The following ARHGAP26 variants were observed in gnomAD, a reference collection of about 807,000 sequenced individuals.
The protein encoded by ARHGAP26 is rho GTPase-activating protein 26.
Under a neutral mutation model 104.8 loss-of-function variants are expected in ARHGAP26, and 38 were observed. The ratio of observed to expected loss-of-function variants is 0.36; its 90% confidence interval spans 0.28 to 0.48. ARHGAP26 has a LOEUF of 0.48. Among genes scored for constraint, ARHGAP26 ranks in the 20% least tolerant of loss-of-function variants. The pLI, the probability that ARHGAP26 is intolerant of heterozygous loss-of-function variation, is 0.99. For missense variants in ARHGAP26, 704 were observed against 947.9 expected (o/e 0.74, Z 3.38); for synonymous variants, 341 against 340.0 (o/e 1.00, Z -0.03).
intron 17 of ARHGAP26, among the ~76,000 whole-genome samples, chr5:143,084,621 G>T (rs956042762): frequency 1.3e-5 from 2 of 152,196 alleles, no homozygotes; most frequent in Non-Finnish European, 2.9e-5. Context: ...TTGTGATCTG[G>T]ACACTGCTTC....
chr5:143,085,847 G>A (rs1790518953), intron 17 of ARHGAP26, among the ~76,000 whole-genome samples: 1 of 152,128 alleles, frequency 6.6e-6, no homozygotes. Context: ...CAAACTCATT[G>A]GAAACCATCT....
intron 11 of ARHGAP26, among the ~76,000 whole-genome samples, chr5:142,991,292 G>A (rs369498997): frequency 3.9e-4 from 59 of 152,332 alleles, no homozygotes; most frequent in African/African-American, 1.1e-3. Flanking sequence ...CTGGTGTGCC[G>A]TTTGCTAAGA....
intron 1 of ARHGAP26, among the ~76,000 whole-genome samples, chr5:142,831,370 T>C (rs774063925): frequency 6.6e-6 from 1 of 152,022 alleles, no homozygotes; most frequent in Non-Finnish European, 1.5e-5. Context: ...TTTCCTTTGC[T>C]CTTTGGTCTC....
intron 1 of ARHGAP26, among the ~76,000 whole-genome samples, chr5:142,784,219 G>A (rs570833611): frequency 1.3e-5 from 2 of 152,352 alleles, no homozygotes; most frequent in South Asian, 2.1e-4. Context: ...CAGCATGCTT[G>A]TAATCGGTTC....
chr5:143,022,246 T>A (rs1190036555), intron 12 of ARHGAP26, among the ~76,000 whole-genome samples: 1 of 152,108 alleles, frequency 6.6e-6, no homozygotes, highest in East Asian at 1.9e-4. Context: ...TAATTTTTTT[T>A]ATTTTTAGTA....
intron 17 of ARHGAP26, among the ~76,000 whole-genome samples, chr5:143,120,415 CCT>C (rs1269641947): frequency 3.9e-5 from 6 of 152,078 alleles, no homozygotes; most frequent in African/African-American, 9.7e-5. Context: ...CTGTTTATGC[CCT>C]GTTTCACTTA....
intron 1 of ARHGAP26, among the ~76,000 whole-genome samples, chr5:142,826,618 A>G (rs942949528): frequency 1.3e-5 from 2 of 152,126 alleles, no homozygotes; most frequent in African/African-American, 2.4e-5. Flanking sequence ...TCGCCACACC[A>G]TGTTCTCTCT....
chr5:143,125,180 T>C lies in ARHGAP26; in HGVS notation c.1698+4033T>C, dbSNP rs192567290. Among the ~76,000 whole-genome samples, 526 of 152,326 alleles carry C rather than the reference T, an allele frequency of 3.5e-3. 4 individuals carry two copies. In the Middle Eastern group the frequency reaches 0.041, roughly 12 times the overall value. On this transcript the variant is annotated intron_variant, in intron 18 of 22. Coordinates refer to ENST00000645722, the MANE Select transcript of ARHGAP26 (RefSeq NM_001135608.3). ...AAAACACCTCTTTTTCAATAGAAGGTAAGAGACCTCTGTGTTCTAACTAGC... is the reference window on the plus strand; with the variant it reads ...AAAACACCTCTTTTTCAATAGAAGGCAAGAGACCTCTGTGTTCTAACTAGC...
intron 1 of ARHGAP26, among the ~76,000 whole-genome samples, chr5:142,812,574 G>A (rs770905225): frequency 1.1e-4 from 17 of 152,134 alleles, no homozygotes; most frequent in Non-Finnish European, 2.2e-4. Flanking sequence ...CTAGCCTCAA[G>A]TGATCCTCCT....
At chr5:142,984,973 C>T (rs1185554169) in intron 11 of ARHGAP26, among the ~76,000 whole-genome samples, 1 of 151,590 alleles carries the variant, frequency 6.6e-6, no homozygotes, top group Non-Finnish European at 1.5e-5. Context: ...GGCGGTATTC[C>T]AGAAGAATGC....
intron 11 of ARHGAP26, among the ~76,000 whole-genome samples, chr5:142,990,327 A>G (rs1211390763): frequency 1.3e-5 from 2 of 152,144 alleles, no homozygotes; most frequent in Non-Finnish European, 2.9e-5. Flanking sequence ...GGTCTTCTCT[A>G]CACAGTTTAT....
chr5:143,084,492 G>A (rs1790260616), intron 17 of ARHGAP26, among the ~76,000 whole-genome samples: 1 of 152,206 alleles, frequency 6.6e-6, no homozygotes, highest in African/African-American at 2.4e-5. Context: ...GAAGGTTTAT[G>A]GCCTGAGTTT....
chr5:143,177,161 A>G (rs1379991468), intron 20 of ARHGAP26, among the ~76,000 whole-genome samples: 1 of 152,030 alleles, frequency 6.6e-6, no homozygotes, highest in Non-Finnish European at 1.5e-5. Context: ...TTATATGATC[A>G]CTCACTATAT....
chr5:143,199,940 G>C (rs1807445832), intron 20 of ARHGAP26, among the ~76,000 whole-genome samples: 1 of 152,094 alleles, frequency 6.6e-6, no homozygotes, highest in Admixed American at 6.5e-5. Flanking sequence ...TTCAACTAGG[G>C]GGTCTCACAT....
At chr5:142,974,248 C>T (rs1198988230) in intron 11 of ARHGAP26, among the ~76,000 whole-genome samples, 3 of 151,530 alleles carry the variant, frequency 2.0e-5, no homozygotes, top group East Asian at 3.9e-4. Context: ...TGTCTCCAAC[C>T]CAAATAGCCA....
At chr5:143,006,669 G>A (rs116787713) in intron 11 of ARHGAP26, among the ~76,000 whole-genome samples, 1 of 152,160 alleles carries the variant, frequency 6.6e-6, no homozygotes, top group Non-Finnish European at 1.5e-5. Context: ...TCAGACCATG[G>A]TGATGAGAGT....
At chr5:143,018,030 G>C (rs1009015367) in intron 12 of ARHGAP26, among the ~76,000 whole-genome samples, 96 of 152,070 alleles carry the variant, frequency 6.3e-4, no homozygotes, top group African/African-American at 2.3e-3. Context: ...CTAATTTTTT[G>C]CCAGTCTGAT....
intron 20 of ARHGAP26, among the ~76,000 whole-genome samples, chr5:143,163,597 T>C (rs1376639166): frequency 2.6e-5 from 4 of 151,946 alleles, no homozygotes; most frequent in African/African-American, 9.7e-5. Context: ...ATTACAGGGG[T>C]GCACCACCAC....
intron 1 of ARHGAP26, chr5:142,771,429 C>T: frequency 8.1e-7 from 1 of 1,231,358 alleles, no homozygotes; most frequent in Non-Finnish European, 1.0e-6. Context: ...GTCAGGCCGC[C>T]GGGTTCCCTG....
Sources: allele counts gnomAD v4.1 joint callset (sites outside exome capture counted in the v4.1 genomes callset), GRCh38; gene constraint gnomAD v4.1.1; transcripts MANE v1.5; gene names NCBI Gene and HGNC (gene_info 2026-07-23, HGNC 2026-07-21).